CCDC14: variants seen among roughly 807,000 people sequenced by gnomAD.
CCDC14 encodes coiled-coil domain containing 14.
In CCDC14, 71 loss-of-function variants were observed where a neutral mutation model predicts 81.4. That is an observed-to-expected ratio of 0.87 (90% confidence interval 0.72 to 1.06). The LOEUF (loss-of-function observed/expected upper bound fraction) is 1.06, where lower values mean the gene tolerates loss of function less well. CCDC14 is among the 50% of genes least tolerant of loss of function. The pLI is 0.00. For missense variants in CCDC14, 1,046 were observed against 1,047.3 expected, an observed-to-expected ratio of 1.00 and a Z score of 0.02; for synonymous variants, 332 against 364.8, an observed-to-expected ratio of 0.91 and a Z score of 1.03.
the CCDC14 span, among the ~76,000 whole-genome samples, chr3:123,885,477 TC>T: frequency 1.3e-5 from 1 of 75,782 alleles, no homozygotes; most frequent in Admixed American, 1.6e-4. Flanking sequence ...CTCCCCCCAC[TC>T]TTTTTTTTTT....
chr3:123,894,761 T>C (rs1454588119), downstream of CCDC14, among the ~76,000 whole-genome samples: 1 of 152,256 alleles, frequency 6.6e-6, no homozygotes, highest in African/African-American at 2.4e-5. Context: ...ATTGCTAACA[T>C]ACTTAAATAT....
Position 123,915,623 on chromosome 3 carries a change from T to C in CCDC14, c.1874A>G (p.Asn625Ser), listed in dbSNP as rs1287384428. The stretch of plus-strand genomic sequence containing the variant: ...ATGTTGAAGTTGTTTATCATGAATG[T>C]TCAAGAGTGATTTGGTAAGGTTATT... ...PGNNLTKSLL[N>S]IHDKQLQHDP... The change falls in exon 13 of 13, where the codon AAC becomes AGC. Residue 625 changes from asparagine to serine, a missense_variant. Coordinates refer to ENST00000409697, the MANE Select transcript of CCDC14 (RefSeq NM_001366335.1). 1 of 1,614,040 alleles carries C rather than the reference T, an allele frequency of 6.2e-7. No individual in the cohort carries two copies. Among genetic ancestry groups the C allele is most frequent in the Admixed American group, 1.7e-5 (1 of 60,020 alleles).
chr3:123,924,129 A>G lies in CCDC14; in HGVS notation c.1778+6973T>C, dbSNP rs2035221278. On this transcript the variant is annotated intron_variant, in intron 12 of 12. Transcript: ENST00000409697. ...TGCTGATCAATGGAACAGGACATAA[A>G]TAAATCCATGTATTTATGGCCAATT... Among the ~76,000 whole-genome samples, 3 of 152,190 alleles carry G rather than the reference A, an allele frequency of 2.0e-5. No homozygotes were observed. The South Asian group carries it at 6.2e-4, about 31-fold the overall frequency.
downstream of CCDC14, among the ~76,000 whole-genome samples, chr3:123,892,904 A>G (rs1201250381): frequency 6.6e-6 from 1 of 151,894 alleles, no homozygotes; most frequent in Non-Finnish European, 1.5e-5. Flanking sequence ...TCCCAGTTTC[A>G]AGTGATTCTC....
Position 123,915,133 on chromosome 3 carries a change from CT to C in CCDC14, c.2363del (p.Lys788ArgfsTer16). ...CTPVICSSSTKEAEDAPEKLS... is the reference protein window; with the variant it reads ...CTPVICSSSTXEAEDAPEKLS... Reference sequence around the variant, plus strand: ...GTTTTTCAGGTGCATCTTCTGCTTCCTTTGTTGAAGAGGAACAGATTACAGG... The same window carrying C: ...GTTTTTCAGGTGCATCTTCTGCTTCCTTGTTGAAGAGGAACAGATTACAGG... On this transcript the variant is annotated frameshift_variant, in exon 13 of 13. Transcript: ENST00000409697. LOFTEE classifies it low-confidence loss of function (END_TRUNC). The C allele has an allele frequency of 6.2e-7, 1 of 1,613,834 alleles. No individual in the cohort carries two copies. The highest frequency in any genetic ancestry group is 1.3e-5 in the African/African-American group (1 of 75,020).
intron 12 of CCDC14, among the ~76,000 whole-genome samples, chr3:123,924,423 C>G (rs1472696024): frequency 6.6e-6 from 1 of 151,954 alleles, no homozygotes; most frequent in Non-Finnish European, 1.5e-5. Flanking sequence ...ATATCACAAA[C>G]AAAAATAGAC....
chr3:123,930,924 G>C (rs188472741), intron 12 of CCDC14, 178 bp downstream of exon 12: 4 of 578,600 alleles, frequency 6.9e-6, no homozygotes, highest in Admixed American at 3.8e-5. Flanking sequence ...CGCCAGGTTT[G>C]AAATTCCTAA....
Position 123,898,823 on chromosome 3 carries a change from G to A in CCDC14, c.668-1210C>T, listed in dbSNP as rs1302631478. On this transcript the variant is annotated intron_variant, in intron 5 of 5. Coordinates refer to the CCDC14 transcript ENST00000479903. ...ATGCCTCGGCCTCCTGAGTAGCTGC[G>A]ATTACAGGTGCCTGCCACAATGCCC... Among the ~76,000 whole-genome samples, 9 of 151,678 alleles carry A rather than the reference G, an allele frequency of 5.9e-5. No individual in the cohort carries two copies. In the East Asian group the frequency reaches 9.7e-4, roughly 16 times the overall value.
intron 12 of CCDC14, among the ~76,000 whole-genome samples, chr3:123,924,862 A>C (rs549416510): frequency 1.2e-3 from 178 of 152,102 alleles, no homozygotes; most frequent in Non-Finnish European, 2.2e-3. Context: ...TCAAAAATGT[A>C]TAAATAGAAC....
chr3:123,904,730 T>G (rs1920217), intron 5 of CCDC14, among the ~76,000 whole-genome samples: 5 of 151,928 alleles, frequency 3.3e-5, no homozygotes, highest in Non-Finnish European at 5.9e-5. Flanking sequence ...GTAAATGGAG[T>G]GTTATACAAT....
In CCDC14 at chr3:123,946,751, C is replaced by G. The variant is rs556640902; in HGVS notation, c.1201+52G>C. On this transcript the variant is annotated intron_variant, in intron 8 of 12. Transcript: ENST00000409697. ...TTTAAATGATAGCTAAATAACATGACATTGCTATTTAGTATAACACCATAC... is the reference window on the plus strand; with the variant it reads ...TTTAAATGATAGCTAAATAACATGAGATTGCTATTTAGTATAACACCATAC... 4.1e-6 allele frequency: 6 copies of G among 1,455,708 alleles called. No homozygotes were observed. In the African/African-American group the frequency reaches 8.5e-5, roughly 21 times the overall value. 90.2% of individuals were successfully genotyped at this position (1,455,708 alleles called of 1,614,324 possible). A position where few individuals can be genotyped will look rare whatever the true frequency, so the allele number is the denominator to read the frequency against.
At chr3:123,893,607 A>G (rs184359652), downstream of CCDC14, among the ~76,000 whole-genome samples, 468 of 152,286 alleles carry the variant, frequency 3.1e-3, 4 homozygotes, top group Admixed American at 6.7e-3. Context: ...GAAATTACTG[A>G]GTCATATGTC....
rs1191201009 is a variant in CCDC14, at chr3:123,946,837, C to T, written c.1167G>A (p.Leu389=). The T allele has an allele frequency of 1.2e-6, 2 of 1,613,888 alleles. No homozygotes were observed. Residue 389 remains leucine (L), a synonymous_variant, in exon 8 of 13, where the codon TTG becomes TTA. Coordinates refer to ENST00000409697, the MANE Select transcript of CCDC14 (RefSeq NM_001366335.1). Reference sequence around the variant, plus strand: ...CTACCAGGGCCTTGAGCTCTCCCAACAAATATTTTATAATTCTAACTTTTT... The same window carrying T: ...CTACCAGGGCCTTGAGCTCTCCCAATAAATATTTTATAATTCTAACTTTTT... The part of the protein sequence containing the change: ...TAEKVRIIKY[L]LGELKALVAE...
chr3:123,931,678 A>G (rs566029793), intron 10 of CCDC14, among the ~76,000 whole-genome samples, 152 bp from the exon 11 acceptor site: 2 of 152,062 alleles, frequency 1.3e-5, no homozygotes, highest in South Asian at 4.1e-4. Flanking sequence ...CATAAATACT[A>G]CATATATTTT....
rs554151760 is a variant in CCDC14 at position 123,928,689 on chromosome 3, C to T, written c.1778+2413G>A. Among the ~76,000 whole-genome samples the T allele has an allele frequency of 9.9e-5, 15 of 152,184 alleles. No individual in the cohort carries two copies. In the East Asian group the frequency reaches 2.5e-3, roughly 25 times the overall value. ...AATTAATGTTTGTTGAATAAACAAA[C>T]GAATCCATCCATTCATCCGTCTACC... On this transcript the variant is annotated intron_variant, in intron 12 of 12. Coordinates refer to ENST00000409697, the MANE Select transcript of CCDC14 (RefSeq NM_001366335.1).
At chr3:123,916,850 A>AT (rs1249460307) in intron 12 of CCDC14, among the ~76,000 whole-genome samples, 4 of 151,546 alleles carry the variant, frequency 2.6e-5, no homozygotes, top group Admixed American at 2.0e-4. Flanking sequence ...TTATTTTTTT[A>AT]TTTTTTTGAG....
At chr3:123,890,969 G>C in the CCDC14 span, among the ~76,000 whole-genome samples, 4 of 152,334 alleles carry the variant, frequency 2.6e-5, no homozygotes, top group East Asian at 7.7e-4. Context: ...TGAAATCTAA[G>C]TGGAGGTTTC....
downstream of CCDC14, among the ~76,000 whole-genome samples, chr3:123,913,077 A>G (rs2034483754): frequency 6.6e-6 from 1 of 152,200 alleles, no homozygotes; most frequent in South Asian, 2.1e-4. Flanking sequence ...CTTCTGTTCT[A>G]AAGTTCTATA....
At chr3:123,925,885 A>G (rs2035331968) in intron 12 of CCDC14, among the ~76,000 whole-genome samples, 1 of 152,206 alleles carries the variant, frequency 6.6e-6, no homozygotes, top group South Asian at 2.1e-4. Flanking sequence ...ACATCACTGT[A>G]CCCCATAAAT....
Sources: allele counts gnomAD v4.1 joint callset (sites outside exome capture counted in the v4.1 genomes callset), GRCh38; gene constraint gnomAD v4.1.1; transcripts MANE v1.5; gene names NCBI Gene and HGNC (gene_info 2026-07-23, HGNC 2026-07-21).